Variants in BCAS3 observed in about 807,000 individuals in gnomAD.
BCAS3 encodes the protein BCAS4/BCAS3 fusion.
BCAS3 carries 53 observed loss-of-function variants against 116.1 expected under a neutral mutation model. That is an observed-to-expected ratio of 0.46 (90% CI 0.37 to 0.57). The LOEUF (loss-of-function observed/expected upper bound fraction) is 0.57, where lower values mean the gene tolerates loss of function less well. Ranked by LOEUF, BCAS3 falls within the 20% of genes least tolerant of loss-of-function variation. BCAS3 has a pLI of 0.00. For synonymous variants in BCAS3, 391 were observed against 408.2 expected (o/e 0.96, Z 0.51); for missense variants, 917 against 1,165.4 (o/e 0.79, Z 3.10).
At chr17:61,345,553 G>C (rs1198564513) in intron 22 of BCAS3, among the ~76,000 whole-genome samples, 1 of 152,168 alleles carries the variant, frequency 6.6e-6, no homozygotes, top group Non-Finnish European at 1.5e-5. Context: ...CTGAGGAGCA[G>C]GGAGCGCCTA....
chr17:61,066,476 T>G (rs2070628028), intron 19 of BCAS3, among the ~76,000 whole-genome samples: 1 of 152,220 alleles, frequency 6.6e-6, no homozygotes, highest in South Asian at 2.1e-4. Flanking sequence ...ACAGATATTT[T>G]TATTTTTATT....
intron 14 of BCAS3, among the ~76,000 whole-genome samples, chr17:60,976,915 C>T (rs1476307154): frequency 6.6e-6 from 1 of 152,318 alleles, no homozygotes; most frequent in East Asian, 1.9e-4. Flanking sequence ...GACAAAACCG[C>T]CATCGTCATC....
At chr17:60,908,451 T>C (rs2058307195) in intron 11 of BCAS3, among the ~76,000 whole-genome samples, 1 of 152,096 alleles carries the variant, frequency 6.6e-6, no homozygotes, top group African/African-American at 2.4e-5. Context: ...AAGGGATAGC[T>C]GTGTTTAAGT....
chr17:60,744,270 C>G (rs919951757), intron 5 of BCAS3, among the ~76,000 whole-genome samples: 8 of 152,148 alleles, frequency 5.3e-5, no homozygotes, highest in Non-Finnish European at 1.0e-4. Flanking sequence ...TCTAGAAAAT[C>G]CTTATCTCTG....
chr17:61,067,750 T>TAC (rs1279693150), intron 19 of BCAS3, among the ~76,000 whole-genome samples: 2 of 147,396 alleles, frequency 1.4e-5, no homozygotes, highest in African/African-American at 5.0e-5. Flanking sequence ...AATATATATA[T>TAC]ATATATAGAA....
rs887902337 is a variant in BCAS3 at position 61,098,981 on chromosome 17, G to A, written c.2425+14417G>A. Reference sequence around the variant, plus strand: ...CTACTAAAAATACGAAAAATTAGCCGGGCATGGTGGCGCACACCTGTAGTC... The same window carrying A: ...CTACTAAAAATACGAAAAATTAGCCAGGCATGGTGGCGCACACCTGTAGTC... On this transcript the variant is annotated intron_variant, in intron 22 of 23. Transcript: ENST00000407086. The surrounding 1 kb of genome is among the most constrained non-coding windows in gnomAD (Gnocchi z 4.2). 8.6e-5 allele frequency among the ~76,000 whole-genome samples: 13 copies of A among 151,976 alleles called. No individual in the cohort carries two copies. The highest frequency in any genetic ancestry group is 2.2e-4 in the African/African-American group (9 of 41,372).
chr17:61,100,759 A>G (rs2074274088), intron 22 of BCAS3, among the ~76,000 whole-genome samples: 2 of 152,168 alleles, frequency 1.3e-5, no homozygotes, highest in Admixed American at 1.3e-4. Context: ...GTGGCTAGGG[A>G]GCAGAAGTGA....
At chr17:61,195,822 G>A (rs546471448) in intron 22 of BCAS3, among the ~76,000 whole-genome samples, 50 of 152,286 alleles carry the variant, frequency 3.3e-4, no homozygotes, top group African/African-American at 1.0e-3. Flanking sequence ...CTACAGTTAT[G>A]CACAGATTAA....
intron 22 of BCAS3, among the ~76,000 whole-genome samples, chr17:61,295,954 C>CAA (rs11332478): frequency 2.5e-5 from 2 of 79,940 alleles, no homozygotes; most frequent in African/African-American, 3.9e-5. Flanking sequence ...GACTCCGTCT[C>CAA]AAAAAAAAAA....
At chr17:61,033,423 TA>T (rs1170323587) in intron 16 of BCAS3, among the ~76,000 whole-genome samples, 1 of 152,174 alleles carries the variant, frequency 6.6e-6, no homozygotes, top group African/African-American at 2.4e-5. Flanking sequence ...TAGGCATTAC[TA>T]TTTCTATTTT....
At chr17:60,687,305 A>G (rs2034196177) in intron 3 of BCAS3, among the ~76,000 whole-genome samples, 3 of 152,186 alleles carry the variant, frequency 2.0e-5, no homozygotes, top group South Asian at 2.1e-4. Context: ...ACTGACCTCT[A>G]TAAAGACATC....
intron 23 of BCAS3, among the ~76,000 whole-genome samples, chr17:61,385,115 T>C (rs1453914221): frequency 6.6e-6 from 1 of 152,178 alleles, no homozygotes. Flanking sequence ...ACTCCATCTC[T>C]GTCTCACGGA....
intron 19 of BCAS3, among the ~76,000 whole-genome samples, chr17:61,060,478 T>C (rs1205247703): frequency 6.6e-6 from 1 of 152,014 alleles, no homozygotes; most frequent in East Asian, 1.9e-4. Context: ...TATAGTGTTA[T>C]GTGGGAAAAA....
chr17:60,700,764 C>T (rs8071412), intron 4 of BCAS3, among the ~76,000 whole-genome samples: 10,674 of 152,066 alleles, frequency 0.07, 1,251 homozygotes, highest in African/African-American at 0.24. Flanking sequence ...CTAGTTGCTG[C>T]GCAGTCTAAA....
At chr17:61,320,120 C>T (rs2055083752) in intron 22 of BCAS3, among the ~76,000 whole-genome samples, 1 of 151,656 alleles carries the variant, frequency 6.6e-6, no homozygotes, top group Non-Finnish European at 1.5e-5. Flanking sequence ...GAAGTCCTGC[C>T]CTCAGGTGAT....
intron 22 of BCAS3, among the ~76,000 whole-genome samples, chr17:61,172,233 A>G (rs561318342): frequency 4.6e-5 from 7 of 152,364 alleles, no homozygotes; most frequent in Admixed American, 4.6e-4. Context: ...AATATTTAGA[A>G]TAACACTAAT....
At chr17:60,940,007 C>T (rs1472875347) in intron 13 of BCAS3, among the ~76,000 whole-genome samples, 1 of 152,084 alleles carries the variant, frequency 6.6e-6, no homozygotes, top group Non-Finnish European at 1.5e-5. Flanking sequence ...GAGATGTCTT[C>T]ATAAGCCTGA....
Position 61,239,844 on chromosome 17 carries a change from A to G in BCAS3, c.2426-128483A>G, listed in dbSNP as rs146888404. On this transcript the variant is annotated intron_variant, in intron 22 of 23. Transcript: ENST00000407086. This position sits in a 1 kb window ranked among gnomAD's most constrained non-coding sequence, Gnocchi z 4.2. Reference sequence around the variant, plus strand: ...AGTTAATGTTTACTTTTTTATTACTATTTTAATCAAATGGCTTTACAACTT... The same window carrying G: ...AGTTAATGTTTACTTTTTTATTACTGTTTTAATCAAATGGCTTTACAACTT... Among the ~76,000 whole-genome samples the G allele has an allele frequency of 2.6e-5, 4 of 152,338 alleles. No individual in the cohort carries two copies. The highest frequency in any genetic ancestry group is 1.3e-4 in the Admixed American group (2 of 15,298).
chr17:61,121,763 C>G (rs148195491), intron 22 of BCAS3, among the ~76,000 whole-genome samples: 1 of 152,276 alleles, frequency 6.6e-6, no homozygotes, highest in East Asian at 1.9e-4. Context: ...CGGAGTCTTG[C>G]CGTGTCACCC....
Sources: gnomAD v4.1 joint callset for allele counts (sites outside exome capture counted in the v4.1 genomes callset) on GRCh38, gnomAD v4.1.1 for gene constraint, Gnocchi (gnomAD v3.1) non-coding constraint, MANE v1.5 for transcripts, NCBI Gene and HGNC (gene_info 2026-07-23, HGNC 2026-07-21) for gene names.